GRXCR1: variants seen among roughly 807,000 people sequenced by gnomAD.
The protein encoded by GRXCR1 is glutaredoxin domain-containing cysteine-rich protein 1.
A neutral mutation model predicts 27.3 loss-of-function variants in GRXCR1; 27 were observed. That is an observed-to-expected ratio of 0.99 (90% CI 0.73 to 1.37). The LOEUF (loss-of-function observed/expected upper bound fraction) is 1.37. GRXCR1 is among the 40% of genes most tolerant of loss of function. The probability of loss-of-function intolerance (pLI) is 0.00; values close to 1 mark genes in which losing one functional copy is unlikely to be tolerated. For synonymous variants in GRXCR1, 122 were observed against 131.1 expected (o/e 0.93, Z 0.47); for missense variants, 379 against 354.4 (o/e 1.07, Z -0.56).
intron 1 of GRXCR1, among the ~76,000 whole-genome samples, chr4:42,916,768 T>C (rs957195081): frequency 6.6e-6 from 1 of 152,134 alleles, no homozygotes; most frequent in African/African-American, 2.4e-5. Context: ...GAGATACTTT[T>C]AGGCTATGTA....
intron 1 of GRXCR1, among the ~76,000 whole-genome samples, chr4:42,901,435 C>G (rs1746458421): frequency 6.6e-6 from 1 of 152,108 alleles, no homozygotes; most frequent in Non-Finnish European, 1.5e-5. Flanking sequence ...AAAGGCTGTC[C>G]ACATTCCTTG....
At chr4:42,918,468 C>G (rs752573023) in intron 1 of GRXCR1, among the ~76,000 whole-genome samples, 1 of 152,086 alleles carries the variant, frequency 6.6e-6, no homozygotes, top group Admixed American at 6.6e-5. Flanking sequence ...TTGCTTCCCA[C>G]TGTGGCTGAT....
intron 2 of GRXCR1, among the ~76,000 whole-genome samples, chr4:42,968,168 C>T (rs973419825): frequency 5.9e-5 from 9 of 152,186 alleles, no homozygotes; most frequent in African/African-American, 2.2e-4. Context: ...TCTGTTTCCT[C>T]AATTCAGGAA....
intron 1 of GRXCR1, among the ~76,000 whole-genome samples, chr4:42,956,053 C>T (rs1299271897): frequency 6.6e-6 from 1 of 152,056 alleles, no homozygotes; most frequent in African/African-American, 2.4e-5. Context: ...GCTGTGGCTA[C>T]TGCAGGGCGA....
intron 2 of GRXCR1, among the ~76,000 whole-genome samples, chr4:42,988,092 T>C (rs1711839135): frequency 6.6e-6 from 1 of 152,138 alleles, no homozygotes; most frequent in South Asian, 2.1e-4. Flanking sequence ...TGATTTTCTC[T>C]TGAGTGATTC....
chr4:42,934,186 T>TG (rs1747400062), intron 1 of GRXCR1, among the ~76,000 whole-genome samples: 1 of 151,262 alleles, frequency 6.6e-6, no homozygotes, highest in Non-Finnish European at 1.5e-5. Flanking sequence ...AAACATAAGT[T>TG]TTGTGTTGAG....
intron 2 of GRXCR1, among the ~76,000 whole-genome samples, chr4:42,976,077 C>T (rs551375896): frequency 2.6e-5 from 4 of 152,202 alleles, no homozygotes; most frequent in African/African-American, 9.6e-5. Context: ...TTGAGTTTTG[C>T]CTGCTGTAAT....
chr4:42,944,469 C>T (rs1747697457), intron 1 of GRXCR1, among the ~76,000 whole-genome samples: 1 of 152,002 alleles, frequency 6.6e-6, no homozygotes, highest in Admixed American at 6.6e-5. Context: ...TGGGGAATGC[C>T]AGTAATTAAT....
intron 1 of GRXCR1, among the ~76,000 whole-genome samples, chr4:42,923,146 C>A (rs1297775820): frequency 6.6e-6 from 1 of 152,114 alleles, no homozygotes; most frequent in Non-Finnish European, 1.5e-5. Context: ...TTCTTATTCA[C>A]CCCTCCATAA....
At chr4:42,916,970 G>A (rs769248696) in intron 1 of GRXCR1, among the ~76,000 whole-genome samples, 5 of 152,008 alleles carry the variant, frequency 3.3e-5, no homozygotes, top group Non-Finnish European at 5.9e-5. Flanking sequence ...TACATATTGA[G>A]GATCAATAGA....
chr4:42,930,158 C>T (rs1577909611), intron 1 of GRXCR1, among the ~76,000 whole-genome samples: 1 of 152,118 alleles, frequency 6.6e-6, no homozygotes, highest in East Asian at 1.9e-4. Context: ...CAATTAACAT[C>T]AAAAGGCAGT....
intron 1 of GRXCR1, among the ~76,000 whole-genome samples, chr4:42,902,855 A>C (rs959057960): frequency 1.3e-5 from 2 of 152,216 alleles, no homozygotes; most frequent in Admixed American, 6.5e-5. Context: ...AAGTTGAAGA[A>C]AAATGAAGAA....
chr4:43,026,152 G>A (rs1055573004), intron 3 of GRXCR1, among the ~76,000 whole-genome samples: 2 of 152,004 alleles, frequency 1.3e-5, no homozygotes, highest in Non-Finnish European at 2.9e-5. Flanking sequence ...AACTTTGTCC[G>A]TGTTCTTTGG....
rs1181869530 is a variant in GRXCR1 at position 42,987,277 on chromosome 4, TAG to T, written c.627+24165_627+24166del. On this transcript the variant is annotated intron_variant, in intron 2 of 3. Coordinates refer to ENST00000399770, the MANE Select transcript of GRXCR1 (RefSeq NM_001080476.3). Reference sequence around the variant, plus strand: ...TATATATATAATATATATATATATATAGAGAGAGAGAGAGAGAGAGAGAAAGA... The same window carrying T: ...TATATATATAATATATATATATATATAGAGAGAGAGAGAGAGAGAGAAAGA... Among the ~76,000 whole-genome samples the T allele has an allele frequency of 3.7e-3, 385 of 104,164 alleles. 1 individual carries two copies. Among genetic ancestry groups the T allele is most frequent in the Middle Eastern group, 0.016 (4 of 248 alleles). 68.3% of individuals were successfully genotyped at this position (104,164 alleles called of 152,430 possible).
intron 1 of GRXCR1, among the ~76,000 whole-genome samples, chr4:42,903,218 CA>C (rs1746502416): frequency 6.8e-6 from 1 of 146,752 alleles, no homozygotes; most frequent in Non-Finnish European, 1.5e-5. Context: ...AAAGATAACA[CA>C]AATCAACCAA....
intron 3 of GRXCR1, among the ~76,000 whole-genome samples, chr4:43,021,328 C>T (rs1009704933): frequency 1.3e-5 from 2 of 152,148 alleles, no homozygotes; most frequent in South Asian, 2.1e-4. Flanking sequence ...AGTATCAGTT[C>T]TTCCAATATT....
intron 1 of GRXCR1, among the ~76,000 whole-genome samples, chr4:42,923,833 C>G (rs983735289): frequency 6.6e-6 from 1 of 152,040 alleles, no homozygotes; most frequent in Non-Finnish European, 1.5e-5. Context: ...GAAGGTGATG[C>G]ATAGCTTCCG....
At chr4:42,933,682 G>A (rs921709620) in intron 1 of GRXCR1, among the ~76,000 whole-genome samples, 1 of 151,994 alleles carries the variant, frequency 6.6e-6, no homozygotes, top group South Asian at 2.1e-4. Context: ...AGAGACCCCA[G>A]AGCACAGAGA....
intron 3 of GRXCR1, among the ~76,000 whole-genome samples, chr4:43,026,136 ACT>A (rs1252006059): frequency 6.6e-6 from 1 of 151,972 alleles, no homozygotes; most frequent in Non-Finnish European, 1.5e-5. Context: ...TATTCCTCCA[ACT>A]CCAAACTTTG....
Sources: allele counts gnomAD v4.1 joint callset (sites outside exome capture counted in the v4.1 genomes callset), GRCh38; gene constraint gnomAD v4.1.1; transcripts MANE v1.5; gene names NCBI Gene and HGNC (gene_info 2026-07-23, HGNC 2026-07-21).